Variants in SAMD4A observed in about 807,000 individuals in gnomAD.
SAMD4A encodes the protein sterile alpha motif domain containing 4A.
Under a neutral mutation model 81.3 loss-of-function variants are expected in SAMD4A, and 33 were observed. The ratio of observed to expected loss-of-function variants is 0.41; its 90% confidence interval spans 0.31 to 0.54. The LOEUF is 0.54. Among genes scored for constraint, SAMD4A ranks in the 20% least tolerant of loss-of-function variants. The probability of loss-of-function intolerance (pLI) is 0.37; values close to 1 mark genes in which losing one functional copy is unlikely to be tolerated. For synonymous variants in SAMD4A, 389 were observed against 382.1 expected (o/e 1.02, Z -0.21); for missense variants, 854 against 951.1 (o/e 0.90, Z 1.34).
chr14:54,777,855 G>A (rs1365058627), intron 11 of SAMD4A, among the ~76,000 whole-genome samples: 1 of 152,134 alleles, frequency 6.6e-6, no homozygotes, highest in Non-Finnish European at 1.5e-5. Context: ...CTATATTTAT[G>A]CACCAAAATA....
chr14:54,614,150 A>C (rs1359452888), intron 2 of SAMD4A, among the ~76,000 whole-genome samples: 2 of 152,274 alleles, frequency 1.3e-5, no homozygotes, highest in African/African-American at 2.4e-5. Context: ...TGCAATTAAC[A>C]GATACATGAA....
chr14:54,603,946 T>C (rs2034131079), intron 2 of SAMD4A, among the ~76,000 whole-genome samples: 1 of 152,170 alleles, frequency 6.6e-6, no homozygotes, highest in African/African-American at 2.4e-5. Context: ...TGCCTCAGCC[T>C]CCCGAGTAGC....
chr14:54,703,452 T>C (rs1417285180), intron 3 of SAMD4A: 2 of 152,212 alleles, frequency 1.3e-5, no homozygotes, highest in Non-Finnish European at 2.9e-5. Flanking sequence ...TTAATGCTAG[T>C]TTGCACCTGT....
intron 2 of SAMD4A, among the ~76,000 whole-genome samples, chr14:54,599,263 T>C (rs2033992505): frequency 6.6e-6 from 1 of 152,134 alleles, no homozygotes; most frequent in African/African-American, 2.4e-5. Context: ...ATATATGGAG[T>C]AATAAACACG....
At chr14:54,706,611 A>G (rs1315825571) in intron 3 of SAMD4A, among the ~76,000 whole-genome samples, 1 of 126,690 alleles carries the variant, frequency 7.9e-6, no homozygotes, top group Non-Finnish European at 1.8e-5. Flanking sequence ...TCTCAAAAAA[A>G]AAAAAGAAAG....
intron 2 of SAMD4A, among the ~76,000 whole-genome samples, chr14:54,698,298 T>C (rs1309266214): frequency 2.6e-5 from 4 of 152,248 alleles, no homozygotes; most frequent in Admixed American, 6.5e-5. Flanking sequence ...TGCATTTATA[T>C]GTAATTCTGT....
At chr14:54,668,044 G>C (rs1410032595) in intron 2 of SAMD4A, among the ~76,000 whole-genome samples, 4 of 152,124 alleles carry the variant, frequency 2.6e-5, no homozygotes, top group African/African-American at 9.7e-5. Flanking sequence ...ACACACTGCC[G>C]TTCTGATCGG....
intron 2 of SAMD4A, among the ~76,000 whole-genome samples, chr14:54,607,895 A>G (rs1299027038): frequency 6.6e-6 from 1 of 151,816 alleles, no homozygotes; most frequent in Non-Finnish European, 1.5e-5. Context: ...GCAAACCTCT[A>G]ATCCCCGCTA....
At chr14:54,630,138 G>T (rs926702287) in intron 2 of SAMD4A, among the ~76,000 whole-genome samples, 1 of 152,222 alleles carries the variant, frequency 6.6e-6, no homozygotes, top group African/African-American at 2.4e-5. Flanking sequence ...GCTATGAACA[G>T]GGGTTTACAA....
At chr14:54,595,259 T>C (rs1431767830) in intron 2 of SAMD4A, among the ~76,000 whole-genome samples, 2 of 152,112 alleles carry the variant, frequency 1.3e-5, no homozygotes, top group African/African-American at 4.8e-5. Context: ...CTTCTCACAT[T>C]TGAGCACATC....
intron 2 of SAMD4A, among the ~76,000 whole-genome samples, chr14:54,658,593 A>G (rs907455384): frequency 1.3e-5 from 2 of 152,178 alleles, no homozygotes; most frequent in African/African-American, 2.4e-5. Context: ...AGCTGGCCTC[A>G]TCACAGTCAA....
chr14:54,779,193 G>A (rs1329692405), intron 11 of SAMD4A, among the ~76,000 whole-genome samples: 1 of 152,196 alleles, frequency 6.6e-6, no homozygotes, highest in East Asian at 1.9e-4. Context: ...GAGACTTCCC[G>A]GGGCTTGTGG....
At chr14:54,602,817 G>T (rs1046650431) in intron 2 of SAMD4A, among the ~76,000 whole-genome samples, 1 of 148,684 alleles carries the variant, frequency 6.7e-6, no homozygotes, top group Admixed American at 6.7e-5. Flanking sequence ...AAAGACATTC[G>T]CCTTCTTACA....
At chr14:54,784,260 G>A in intron 11 of SAMD4A, 1 of 1,140,080 alleles carries the variant, frequency 8.8e-7, no homozygotes, top group Non-Finnish European at 1.3e-6. Flanking sequence ...TACTTTGATG[G>A]GAGGCCGCTG....
intron 2 of SAMD4A, among the ~76,000 whole-genome samples, chr14:54,577,223 A>G (rs971632189): frequency 6.6e-6 from 1 of 152,228 alleles, no homozygotes; most frequent in Non-Finnish European, 1.5e-5. Flanking sequence ...GCCCCAGGGT[A>G]CTGAGTCCCT....
intron 2 of SAMD4A, chr14:54,685,626 C>A: frequency 2.3e-6 from 1 of 442,540 alleles, no homozygotes; most frequent in Non-Finnish European, 4.6e-6. Context: ...TGATCTTAGC[C>A]AAATGGTTAG....
At chr14:54,674,913 G>A (rs182412182) in intron 2 of SAMD4A, among the ~76,000 whole-genome samples, 2 of 152,084 alleles carry the variant, frequency 1.3e-5, no homozygotes, top group African/African-American at 2.4e-5. Flanking sequence ...GATGCCCAGC[G>A]AATTTTGAAA....
intron 2 of SAMD4A, among the ~76,000 whole-genome samples, chr14:54,651,644 A>C (rs1401377968): frequency 6.6e-6 from 1 of 152,230 alleles, no homozygotes; most frequent in Non-Finnish European, 1.5e-5. Flanking sequence ...TTGAATGATT[A>C]ATATTTATAT....
intron 2 of SAMD4A, among the ~76,000 whole-genome samples, chr14:54,669,447 T>TTC (rs1312564136): frequency 3.5e-5 from 5 of 142,674 alleles, no homozygotes; most frequent in Non-Finnish European, 7.7e-5. Context: ...GCTTCTTTCT[T>TTC]TTTTTTTTTT....
Sources: gnomAD v4.1 joint callset for allele counts (sites outside exome capture counted in the v4.1 genomes callset) on GRCh38, gnomAD v4.1.1 for gene constraint, MANE v1.5 for transcripts, NCBI Gene and HGNC (gene_info 2026-07-23, HGNC 2026-07-21) for gene names.